GPC6: variants seen among roughly 807,000 people sequenced by gnomAD.
The protein encoded by GPC6 is glypican 6.
In GPC6, 14 loss-of-function variants were observed where a neutral mutation model predicts 55.2. The observed-to-expected ratio is 0.25, with a 90% CI of 0.17 to 0.40. The LOEUF is 0.40. Ranked by LOEUF, GPC6 falls within the 10% of genes least tolerant of loss-of-function variation. The pLI is 1.00. For missense variants in GPC6, 641 were observed against 708.5 expected (o/e 0.90, Z 1.08); for synonymous variants, 278 against 259.6 (o/e 1.07, Z -0.68).
chr13:93,966,014 T>A (rs994312286), intron 3 of GPC6, among the ~76,000 whole-genome samples: 1 of 152,198 alleles, frequency 6.6e-6, no homozygotes, highest in Non-Finnish European at 1.5e-5. Flanking sequence ...AGGCCAGTTA[T>A]GAAAGGAAAG....
At chr13:94,001,023 T>TA (rs1306118171) in intron 3 of GPC6, among the ~76,000 whole-genome samples, 4 of 152,276 alleles carry the variant, frequency 2.6e-5, no homozygotes, top group African/African-American at 7.2e-5. Context: ...CAGAGCTTTT[T>TA]ACCTCCTATA....
chr13:93,395,809 T>C (rs1326644905), intron 1 of GPC6: 1 of 152,466 alleles, frequency 6.6e-6, no homozygotes, highest in Non-Finnish European at 1.5e-5. Context: ...TGTTCGGACT[T>C]TTTAGGAGAG....
chr13:93,667,401 A>G (rs1881182446), intron 2 of GPC6, among the ~76,000 whole-genome samples: 1 of 152,062 alleles, frequency 6.6e-6, no homozygotes, highest in Non-Finnish European at 1.5e-5. Flanking sequence ...CTAATTATAT[A>G]AAGGGTGGGT....
chr13:93,486,378 T>C (rs1012702460), intron 1 of GPC6, among the ~76,000 whole-genome samples: 1 of 152,170 alleles, frequency 6.6e-6, no homozygotes, highest in Non-Finnish European at 1.5e-5. Flanking sequence ...GAAACATAAA[T>C]ATTTTTATAG....
intron 1 of GPC6, among the ~76,000 whole-genome samples, chr13:93,390,425 A>G (rs575773412): frequency 4.6e-5 from 7 of 152,234 alleles, no homozygotes; most frequent in African/African-American, 1.4e-4. Flanking sequence ...GACAATGAAA[A>G]GGTAATGGGA....
At chr13:93,943,547 T>C (rs1327455830) in intron 3 of GPC6, among the ~76,000 whole-genome samples, 3 of 152,146 alleles carry the variant, frequency 2.0e-5, no homozygotes, top group African/African-American at 7.2e-5. Flanking sequence ...TGCCCTCTGC[T>C]CAATTGCATT....
intron 1 of GPC6, among the ~76,000 whole-genome samples, chr13:93,306,409 T>C (rs549519684): frequency 1.3e-5 from 2 of 152,292 alleles, no homozygotes; most frequent in South Asian, 4.1e-4. Flanking sequence ...TTTGATTCAT[T>C]GTTTAGCTGG....
At chr13:94,372,696 C>T (rs951975410) in intron 6 of GPC6, among the ~76,000 whole-genome samples, 3 of 151,846 alleles carry the variant, frequency 2.0e-5, no homozygotes, top group Non-Finnish European at 4.4e-5. Flanking sequence ...GAAGCTCGAA[C>T]TGGGTGGAGC....
At chr13:94,083,147 C>A (rs1362666267) in intron 4 of GPC6, among the ~76,000 whole-genome samples, 2 of 152,154 alleles carry the variant, frequency 1.3e-5, no homozygotes, top group Admixed American at 6.5e-5. Context: ...GAGACGGAGT[C>A]TCGCTGTGTT....
chr13:93,426,844 A>G (rs1395364059), intron 1 of GPC6, among the ~76,000 whole-genome samples: 1 of 148,424 alleles, frequency 6.7e-6, no homozygotes, highest in Non-Finnish European at 1.5e-5. Flanking sequence ...ACTAGTTTAC[A>G]GTCCCACCAA....
chr13:94,004,502 G>A (rs1881933951), intron 3 of GPC6, among the ~76,000 whole-genome samples: 1 of 152,160 alleles, frequency 6.6e-6, no homozygotes. Flanking sequence ...GGAGAATATA[G>A]ATGTTTTAAT....
At chr13:94,266,359 G>A (rs909886991) in intron 4 of GPC6, among the ~76,000 whole-genome samples, 92 of 152,066 alleles carry the variant, frequency 6.0e-4, no homozygotes, top group African/African-American at 2.0e-3. Flanking sequence ...TAGTAGAGAC[G>A]GGGTTTCACT....
chr13:93,797,817 C>G (rs1056716227), intron 2 of GPC6, among the ~76,000 whole-genome samples: 1 of 152,162 alleles, frequency 6.6e-6, no homozygotes, highest in African/African-American at 2.4e-5. Flanking sequence ...TGTTTTTTAT[C>G]TGTAGTCACA....
intron 2 of GPC6, among the ~76,000 whole-genome samples, chr13:93,603,415 G>T (rs1396141834): frequency 6.6e-6 from 1 of 152,150 alleles, no homozygotes; most frequent in African/African-American, 2.4e-5. Flanking sequence ...TAAGTATTTG[G>T]TGCTCTATTT....
At chr13:93,394,101 G>A (rs2139222170) in intron 1 of GPC6, among the ~76,000 whole-genome samples, 1 of 152,254 alleles carries the variant, frequency 6.6e-6, no homozygotes, top group Non-Finnish European at 1.5e-5. Context: ...AATTGCTCCT[G>A]CAAGGATCCT....
intron 4 of GPC6, among the ~76,000 whole-genome samples, chr13:94,145,111 T>C (rs1406395285): frequency 2.0e-5 from 3 of 150,324 alleles, no homozygotes; most frequent in Non-Finnish European, 4.4e-5. Flanking sequence ...ACTCAACAAA[T>C]ATTTATTAAA....
intron 1 of GPC6, among the ~76,000 whole-genome samples, chr13:93,508,741 G>A (rs1290242660): frequency 2.6e-5 from 4 of 152,150 alleles, no homozygotes; most frequent in South Asian, 2.1e-4. Context: ...CAGTACAGTC[G>A]GAGCAGGGCT....
rs148943371 is a variant in GPC6, at chr13:94,382,956, T to C, written c.1289+406T>C. ...AATAGGAAATGAAAATTCAACTGTT[T>C]TTTTCACTCTTGTTGGAAAAAAAAT... is the stretch of plus-strand genomic sequence containing the variant. On this transcript the variant is annotated intron_variant, in intron 7 of 8. Transcript: ENST00000377047. 6.1e-4 allele frequency among the ~76,000 whole-genome samples: 93 copies of C among 152,308 alleles called. 2 individuals carry two copies. The East Asian group carries it at 0.016, about 26-fold the overall frequency.
intron 1 of GPC6, among the ~76,000 whole-genome samples, chr13:93,392,493 T>G (rs1040424920): frequency 1.3e-5 from 2 of 152,154 alleles, no homozygotes; most frequent in African/African-American, 4.8e-5. Context: ...AGCTAATAGA[T>G]CTCCTAATTT....
Sources: gnomAD v4.1 joint callset for allele counts (sites outside exome capture counted in the v4.1 genomes callset) on GRCh38, gnomAD v4.1.1 for gene constraint, MANE v1.5 for transcripts, NCBI Gene and HGNC (gene_info 2026-07-23, HGNC 2026-07-21) for gene names.